The following ODAD2 variants were observed in gnomAD, a reference collection of about 807,000 sequenced individuals.
ODAD2 encodes outer dynein arm docking complex subunit 2, also known as outer dynein arm-docking complex subunit 2.
A neutral mutation model predicts 106.8 loss-of-function variants in ODAD2; 89 were observed. That is an observed-to-expected ratio of 0.83 (90% CI 0.70 to 0.99). The LOEUF (loss-of-function observed/expected upper bound fraction) is 0.99, where lower values mean the gene tolerates loss of function less well. Ranked by LOEUF, ODAD2 falls within the 50% of genes least tolerant of loss-of-function variation. The probability of loss-of-function intolerance (pLI) is 0.00; values close to 1 mark genes in which losing one functional copy is unlikely to be tolerated. For synonymous variants in ODAD2, 404 were observed against 436.2 expected (o/e 0.93, Z 0.92); for missense variants, 1,168 against 1,238.5 (o/e 0.94, Z 0.85).
At chr10:27,845,381 T>C (rs905578278) in intron 19 of ODAD2, among the ~76,000 whole-genome samples, 32 of 152,320 alleles carry the variant, frequency 2.1e-4, no homozygotes, top group African/African-American at 7.0e-4. Context: ...TGAGAGATTT[T>C]GTCACCACCA....
chr10:27,819,287 G>T (rs1420164640), intron 19 of ODAD2, among the ~76,000 whole-genome samples: 1 of 152,234 alleles, frequency 6.6e-6, no homozygotes, highest in East Asian at 1.9e-4. Flanking sequence ...GAAAAAGGGG[G>T]AAAGAGAACT....
chr10:27,882,221 GA>G (rs982760383), intron 17 of ODAD2, among the ~76,000 whole-genome samples: 2 of 150,848 alleles, frequency 1.3e-5, no homozygotes, highest in Non-Finnish European at 3.0e-5. Flanking sequence ...AAGAAAGAAA[GA>G]AAGAAAGAAA....
chr10:27,924,035 AGAAAGAAG>A, intron 16 of ODAD2, among the ~76,000 whole-genome samples: 1 of 147,488 alleles, frequency 6.8e-6, no homozygotes, highest in Non-Finnish European at 1.5e-5. Flanking sequence ...GGAAAGAGAA[AGAAAGAAG>A]GAAAGAGAAA....
intron 7 of ODAD2, among the ~76,000 whole-genome samples, chr10:27,973,111 C>CAT (rs1430137672): frequency 6.6e-6 from 1 of 152,070 alleles, no homozygotes; most frequent in Non-Finnish European, 1.5e-5. Context: ...AGAAACTCCT[C>CAT]ATATATATTG....
chr10:27,928,818 C>T (rs1845427218), intron 16 of ODAD2, among the ~76,000 whole-genome samples: 3 of 152,114 alleles, frequency 2.0e-5, no homozygotes, highest in Admixed American at 6.6e-5. Context: ...CATTTACACA[C>T]AGCACTTATT....
At chr10:27,936,620 C>A in intron 15 of ODAD2, 106 bp downstream of exon 15, 1 of 1,257,210 alleles carries the variant, frequency 8.0e-7, no homozygotes, top group Non-Finnish European at 1.1e-6. Flanking sequence ...GAATGTACAT[C>A]TACAACTAAC....
chr10:27,932,975 G>T lies in ODAD2; in HGVS notation c.2495+2035C>A, dbSNP rs533559222. Among the ~76,000 whole-genome samples, 4 of 152,222 alleles carry T rather than the reference G, an allele frequency of 2.6e-5. 1 individual carries two copies. Among genetic ancestry groups the T allele is most frequent in the Admixed American group, 2.6e-4 (4 of 15,262 alleles). ...TTTAATGTAAAGGAATAAATAAGGA[G>T]CTGGGTGTGGTGGCTCACACCTGTA... On this transcript the variant is annotated intron_variant, in intron 16 of 19. Coordinates refer to ENST00000305242, the MANE Select transcript of ODAD2 (RefSeq NM_018076.5).
At chr10:27,833,314 G>C (rs938569217) in intron 19 of ODAD2, among the ~76,000 whole-genome samples, 25 of 151,966 alleles carry the variant, frequency 1.6e-4, no homozygotes, top group African/African-American at 5.8e-4. Context: ...TTAGCACCCG[G>C]CAATAGTCGT....
chr10:27,958,811 G>A (rs1285472238), intron 10 of ODAD2: 8 of 1,262,326 alleles, frequency 6.3e-6, no homozygotes, highest in Non-Finnish European at 8.2e-6. Context: ...TGAGGAAACT[G>A]AAGCTTAGAG....
intron 9 of ODAD2, 22 bp from the exon 10 acceptor site, chr10:27,961,737 A>T: frequency 6.3e-7 from 1 of 1,598,180 alleles, no homozygotes; most frequent in South Asian, 1.1e-5. Flanking sequence ...AACAACACAC[A>T]TACACATGTA....
chr10:27,832,027 A>G (rs541369709), intron 19 of ODAD2, among the ~76,000 whole-genome samples: 23 of 152,222 alleles, frequency 1.5e-4, no homozygotes, highest in Non-Finnish European at 2.6e-4. Flanking sequence ...GCTTCCCCTG[A>G]AGGCTGGACC....
intron 9 of ODAD2, among the ~76,000 whole-genome samples, chr10:27,962,501 A>G (rs1848205585): frequency 6.6e-6 from 1 of 152,174 alleles, no homozygotes; most frequent in South Asian, 2.1e-4. Context: ...ATCCCTCCAT[A>G]ATGCCTACAC....
At chr10:27,880,167 G>T (rs537325890) in intron 17 of ODAD2, among the ~76,000 whole-genome samples, 1 of 152,054 alleles carries the variant, frequency 6.6e-6, no homozygotes, top group Non-Finnish European at 1.5e-5. Flanking sequence ...TACAGGCCAG[G>T]ACTCCCCTGT....
intron 17 of ODAD2, among the ~76,000 whole-genome samples, chr10:27,878,003 T>C (rs1841460994): frequency 6.6e-6 from 1 of 152,206 alleles, no homozygotes; most frequent in Non-Finnish European, 1.5e-5. Flanking sequence ...TTTTTCACTA[T>C]ACACTGTGCA....
At chr10:27,974,678 G>A (rs1209379029) in intron 7 of ODAD2, among the ~76,000 whole-genome samples, 3 of 146,048 alleles carry the variant, frequency 2.1e-5, no homozygotes, top group Non-Finnish European at 3.0e-5. Context: ...CTCCAGCTTC[G>A]GTCTGTTTTT....
At chr10:27,931,200 A>T (rs555631810) in intron 16 of ODAD2, among the ~76,000 whole-genome samples, 1 of 152,356 alleles carries the variant, frequency 6.6e-6, no homozygotes, top group Non-Finnish European at 1.5e-5. Context: ...AAATCTTGAG[A>T]TCTGAAGAGG....
intron 16 of ODAD2, among the ~76,000 whole-genome samples, chr10:27,920,346 G>A (rs981751900): frequency 8.6e-5 from 13 of 152,008 alleles, no homozygotes; most frequent in South Asian, 6.3e-4. Flanking sequence ...ACACGTATGC[G>A]CTCTCACAGT....
chr10:27,847,925 T>C (rs1157272242), intron 19 of ODAD2, among the ~76,000 whole-genome samples: 2 of 152,068 alleles, frequency 1.3e-5, no homozygotes, highest in African/African-American at 2.4e-5. Context: ...TAAAAGAGGA[T>C]ACAAACAAAT....
chr10:27,934,902 T>C, intron 16 of ODAD2, 108 bp downstream of exon 16: 1 of 1,356,784 alleles, frequency 7.4e-7, no homozygotes. Context: ...ACACTGTATT[T>C]TTTCATCATT....
Sources: gnomAD v4.1 joint callset for allele counts (sites outside exome capture counted in the v4.1 genomes callset) on GRCh38, gnomAD v4.1.1 for gene constraint, MANE v1.5 for transcripts, NCBI Gene and HGNC (gene_info 2026-07-23, HGNC 2026-07-21) for gene names.